The following HOOK3 variants were observed in gnomAD, a reference collection of about 807,000 sequenced individuals.
The protein encoded by HOOK3 is hook microtubule tethering protein 3.
HOOK3 carries 24 observed loss-of-function variants against 116.3 expected under a neutral mutation model. The ratio of observed to expected loss-of-function variants is 0.21; its 90% CI spans 0.15 to 0.29. HOOK3 has a LOEUF of 0.29. Among genes scored for constraint, HOOK3 ranks in the 10% least tolerant of loss-of-function variants. The pLI is 1.00. For synonymous variants in HOOK3, 275 were observed against 283.0 expected (o/e 0.97, Z 0.28); for missense variants, 632 against 830.2 (o/e 0.76, Z 2.93).
chr8:42,988,476 A>G (rs550584378), intron 15 of HOOK3, among the ~76,000 whole-genome samples: 14 of 152,292 alleles, frequency 9.2e-5, no homozygotes, highest in African/African-American at 2.6e-4. Context: ...AGGACAGCCA[A>G]TTGTCATTTA....
chr8:43,012,996 G>T (rs76343845), intron 19 of HOOK3, 55 bp from the exon 20 acceptor site: 4 of 1,026,436 alleles, frequency 3.9e-6, no homozygotes, highest in Non-Finnish European at 5.8e-6. Context: ...TTTCTTAAAC[G>T]TTACATTCTT....
At chr8:42,944,582 A>C (rs1163321794) in intron 5 of HOOK3, among the ~76,000 whole-genome samples, 3 of 152,128 alleles carry the variant, frequency 2.0e-5, no homozygotes, top group Non-Finnish European at 1.5e-5. Context: ...GCACTTTGGG[A>C]GGGTGAGGCA....
At chr8:42,923,693 T>C (rs1204158211) in intron 2 of HOOK3, among the ~76,000 whole-genome samples, 1 of 152,118 alleles carries the variant, frequency 6.6e-6, no homozygotes, top group African/African-American at 2.4e-5. Context: ...CTAATGGAGA[T>C]AGGGTTTCTT....
intron 2 of HOOK3, among the ~76,000 whole-genome samples, chr8:42,923,799 T>C (rs1807709205): frequency 6.6e-6 from 1 of 152,186 alleles, no homozygotes; most frequent in African/African-American, 2.4e-5. Flanking sequence ...ATGGGTAAAT[T>C]GTGTCGTGAG....
intron 2 of HOOK3, 81 bp downstream of exon 2, chr8:42,906,339 T>C (rs1304274957): frequency 3.6e-5 from 36 of 1,010,824 alleles, no homozygotes; most frequent in Non-Finnish European, 5.6e-5. Context: ...AAAAAAGTAC[T>C]TACATGAAAC....
intron 5 of HOOK3, 52 bp downstream of exon 5, chr8:42,943,497 GTATATTT>G (rs747637657): frequency 3.3e-6 from 4 of 1,215,054 alleles, no homozygotes; most frequent in African/African-American, 1.6e-5. Context: ...GGAAAGTAGT[GTATATTT>G]TATATTTTAT....
At chr8:42,903,414 G>C (rs1807236050) in intron 1 of HOOK3, among the ~76,000 whole-genome samples, 2 of 141,800 alleles carry the variant, frequency 1.4e-5, no homozygotes, top group Admixed American at 1.5e-4. Flanking sequence ...GCGCGATCTC[G>C]GCTCACTGCA....
chr8:42,963,327 A>G (rs1808570911), intron 8 of HOOK3, among the ~76,000 whole-genome samples: 2 of 152,196 alleles, frequency 1.3e-5, no homozygotes, highest in African/African-American at 2.4e-5. Flanking sequence ...TTTGAGTGTC[A>G]TGTAGGTGCT....
At chr8:42,996,989 C>T (rs983767431) in intron 15 of HOOK3, among the ~76,000 whole-genome samples, 7 of 149,112 alleles carry the variant, frequency 4.7e-5, no homozygotes, top group African/African-American at 1.5e-4. Context: ...TCACTTCAGC[C>T]TCGACCTCCT....
chr8:42,950,251 T>G (rs1808314992), intron 5 of HOOK3, 137 bp from the exon 6 acceptor site: 1 of 594,738 alleles, frequency 1.7e-6, no homozygotes, highest in East Asian at 2.7e-5. Context: ...ACCAATACAT[T>G]TAATGGTGTA....
chr8:42,936,627 T>G (rs1367210792), intron 4 of HOOK3, among the ~76,000 whole-genome samples: 2 of 152,222 alleles, frequency 1.3e-5, no homozygotes, highest in Admixed American at 1.3e-4. Flanking sequence ...CGAAGGCCTT[T>G]TCTGCATCTA....
In HOOK3 at chr8:43,025,304, T is replaced by A. The variant is rs1243011988; in HGVS notation, c.*6806T>A. ...ACTCGGTTTGCATGCTGTGTGTGTT[T>A]GCATGAGTATAGAAACCTAAGAACA... is the stretch of plus-strand genomic sequence containing the variant. On this transcript the variant is annotated 3_prime_UTR_variant, in exon 22 of 22. Transcript: ENST00000307602. The A allele has an allele frequency of 4.8e-6, 1 of 210,404 alleles. No individual in the cohort carries two copies. The highest frequency in any genetic ancestry group is 9.6e-6 in the Non-Finnish European group (1 of 103,642). 13.0% of individuals were successfully genotyped at this position (210,404 alleles called of 1,614,324 possible). A position where few individuals can be genotyped will look rare whatever the true frequency, so the allele number is the denominator to read the frequency against.
chr8:42,953,122 C>T (rs1442787257), intron 6 of HOOK3, among the ~76,000 whole-genome samples: 1 of 151,970 alleles, frequency 6.6e-6, no homozygotes, highest in African/African-American at 2.4e-5. Flanking sequence ...GGTCCTTATT[C>T]TAGATAGTCA....
At chr8:42,906,601 C>T (rs1318701279) in intron 2 of HOOK3, among the ~76,000 whole-genome samples, 1 of 152,164 alleles carries the variant, frequency 6.6e-6, no homozygotes, top group Non-Finnish European at 1.5e-5. Flanking sequence ...GAAATATCAT[C>T]TCATCAGTGG....
At chr8:43,017,848 T>C (rs1293451316) in intron 21 of HOOK3, among the ~76,000 whole-genome samples, 1 of 152,164 alleles carries the variant, frequency 6.6e-6, no homozygotes, top group African/African-American at 2.4e-5. Context: ...TTGTGGACTG[T>C]CAGGAAGTTT....
At chr8:42,923,868 C>T (rs1157993209) in intron 2 of HOOK3, among the ~76,000 whole-genome samples, 1 of 151,992 alleles carries the variant, frequency 6.6e-6, no homozygotes, top group Non-Finnish European at 1.5e-5. Context: ...ATATGTTATC[C>T]AATGATATGA....
intron 2 of HOOK3, among the ~76,000 whole-genome samples, chr8:42,919,350 G>A (rs1425816343): frequency 2.0e-5 from 3 of 149,586 alleles, no homozygotes; most frequent in Non-Finnish European, 3.0e-5. Flanking sequence ...AGACGGGGTC[G>A]TGGCCGGGCA....
chr8:42,965,197 A>T (rs745772200), intron 9 of HOOK3, among the ~76,000 whole-genome samples: 1 of 152,288 alleles, frequency 6.6e-6, no homozygotes, highest in Non-Finnish European at 1.5e-5. Context: ...TAATGGTCAG[A>T]GCAGACCATA....
intron 16 of HOOK3, chr8:42,997,900 T>A: frequency 2.8e-6 from 1 of 361,868 alleles, no homozygotes; most frequent in South Asian, 2.5e-5. Flanking sequence ...ATGTTTTAAA[T>A]GTGCTCAACT....
Sources: allele counts gnomAD v4.1 joint callset (sites outside exome capture counted in the v4.1 genomes callset), GRCh38; gene constraint gnomAD v4.1.1; transcripts MANE v1.5; gene names NCBI Gene and HGNC (gene_info 2026-07-23, HGNC 2026-07-21).